The following KCNN2 variants were observed in gnomAD, a reference collection of about 807,000 sequenced individuals.
KCNN2 encodes the protein potassium calcium-activated channel subfamily N member 2, also known as small conductance calcium-activated potassium channel protein 2.
In KCNN2, 24 loss-of-function variants were observed where a neutral mutation model predicts 55.5. That is an observed-to-expected ratio of 0.43 (90% CI 0.31 to 0.61). The LOEUF is 0.61. Ranked by LOEUF, KCNN2 falls within the 20% of genes least tolerant of loss-of-function variation. The pLI, the probability that KCNN2 is intolerant of heterozygous loss-of-function variation, is 0.08. For missense variants in KCNN2, 754 were observed against 853.6 expected, an observed-to-expected ratio of 0.88 and a Z score of 1.45; for synonymous variants, 431 against 336.1, an observed-to-expected ratio of 1.28 and a Z score of -3.09.
At chr5:114,339,246 G>C (rs1756975709) in intron 2 of KCNN2, among the ~76,000 whole-genome samples, 1 of 152,196 alleles carries the variant, frequency 6.6e-6, no homozygotes, top group African/African-American at 2.4e-5. Context: ...TGAAGGCTGA[G>C]GTCTTGTCCA....
At chr5:114,162,681 C>A (rs543028238) in intron 1 of KCNN2, among the ~76,000 whole-genome samples, 1 of 152,270 alleles carries the variant, frequency 6.6e-6, no homozygotes, top group South Asian at 2.1e-4. Flanking sequence ...CTTTGTTTAC[C>A]TGCTGAAGCC....
chr5:114,272,888 T>A (rs1041810715), intron 2 of KCNN2, among the ~76,000 whole-genome samples: 12 of 152,244 alleles, frequency 7.9e-5, no homozygotes, highest in East Asian at 1.9e-4. Flanking sequence ...TTCTTTTTTT[T>A]AAATTATACT....
At chr5:114,354,152 A>T (rs1757258531) in intron 2 of KCNN2, among the ~76,000 whole-genome samples, 1 of 151,640 alleles carries the variant, frequency 6.6e-6, no homozygotes. Context: ...AATCTTCATC[A>T]GTGTATTTTC....
At chr5:114,379,882 G>A (rs28729910) in intron 2 of KCNN2, among the ~76,000 whole-genome samples, 14,424 of 144,980 alleles carry the variant, frequency 0.099, 1,186 homozygotes, top group African/African-American at 0.23. Context: ...TAAATATATA[G>A]CATAATTATA....
At chr5:114,379,027 C>T (rs1273355862) in intron 2 of KCNN2, among the ~76,000 whole-genome samples, 1 of 152,132 alleles carries the variant, frequency 6.6e-6, no homozygotes, top group Non-Finnish European at 1.5e-5. Flanking sequence ...AAATAATCTT[C>T]TCCATTCTGA....
At chr5:114,336,116 G>A (rs1193459890) in intron 2 of KCNN2, among the ~76,000 whole-genome samples, 3 of 152,148 alleles carry the variant, frequency 2.0e-5, no homozygotes, top group East Asian at 1.9e-4. Context: ...TTAAGTACAC[G>A]AATAAGGAGG....
chr5:114,307,149 A>G (rs536443561), intron 2 of KCNN2, among the ~76,000 whole-genome samples: 42 of 152,276 alleles, frequency 2.8e-4, no homozygotes, highest in African/African-American at 9.6e-4. Flanking sequence ...TCAAGAAAGG[A>G]TAATAAGAAT....
chr5:114,061,573 GT>G (rs1284377848), intron 1 of KCNN2, among the ~76,000 whole-genome samples: 2 of 152,018 alleles, frequency 1.3e-5, no homozygotes, highest in Non-Finnish European at 2.9e-5. Flanking sequence ...CAGGGATCTA[GT>G]TTGCCACCTT....
intron 1 of KCNN2, among the ~76,000 whole-genome samples, chr5:114,080,640 A>G (rs900552620): frequency 6.6e-6 from 1 of 152,212 alleles, no homozygotes; most frequent in African/African-American, 2.4e-5. Flanking sequence ...AAACCATTCC[A>G]TGATAAAAAC....
chr5:114,310,349 A>C (rs1756371025), intron 2 of KCNN2, among the ~76,000 whole-genome samples: 1 of 152,212 alleles, frequency 6.6e-6, no homozygotes, highest in Admixed American at 6.5e-5. Context: ...GCTGCCTTTC[A>C]GAGATGCCTT....
chr5:114,224,579 G>T (rs1216560873), intron 2 of KCNN2, among the ~76,000 whole-genome samples: 4 of 152,212 alleles, frequency 2.6e-5, no homozygotes, highest in Admixed American at 2.6e-4. Context: ...AAAAGGCAGA[G>T]CACAAAAGAA....
At chr5:114,063,893 T>G (rs964608074) in intron 1 of KCNN2, among the ~76,000 whole-genome samples, 7 of 152,180 alleles carry the variant, frequency 4.6e-5, no homozygotes, top group Non-Finnish European at 8.8e-5. Flanking sequence ...CCTGGTGTGT[T>G]TTAAGACAAG....
At chr5:114,351,469 T>G (rs1757202436) in intron 2 of KCNN2, among the ~76,000 whole-genome samples, 1 of 151,788 alleles carries the variant, frequency 6.6e-6, no homozygotes, top group Non-Finnish European at 1.5e-5. Context: ...GGCTAGAATT[T>G]CTAATACAAT....
intron 3 of KCNN2, among the ~76,000 whole-genome samples, chr5:114,440,615 T>C (rs1760169418): frequency 7.5e-6 from 1 of 133,774 alleles, no homozygotes; most frequent in African/African-American, 2.9e-5. Flanking sequence ...GGTGACATGG[T>C]ACAGGTGTGA....
chr5:114,111,829 C>T (rs1751603730), intron 1 of KCNN2, among the ~76,000 whole-genome samples: 1 of 152,140 alleles, frequency 6.6e-6, no homozygotes, highest in Admixed American at 6.5e-5. Flanking sequence ...CAGGAAACAA[C>T]AGGTGCTGGA....
intron 4 of KCNN2, among the ~76,000 whole-genome samples, 155 bp downstream of exon 4, chr5:114,463,345 A>C (rs945554416): frequency 6.6e-6 from 1 of 152,270 alleles, no homozygotes; most frequent in Non-Finnish European, 1.5e-5. Context: ...GAGAATGTCA[A>C]CAGTTTTCCT....
intron 1 of KCNN2, among the ~76,000 whole-genome samples, chr5:114,160,529 G>T (rs1752748545): frequency 6.6e-6 from 1 of 152,128 alleles, no homozygotes; most frequent in South Asian, 2.1e-4. Context: ...TCCACTTGGT[G>T]CAGAGCTGAG....
intron 2 of KCNN2, among the ~76,000 whole-genome samples, chr5:114,397,206 C>A (rs975622526): frequency 6.6e-6 from 1 of 152,052 alleles, no homozygotes; most frequent in Non-Finnish European, 1.5e-5. Context: ...ATCTTTATGG[C>A]GAAATGATTT....
intron 2 of KCNN2, among the ~76,000 whole-genome samples, chr5:114,252,283 A>G (rs1304985779): frequency 6.6e-6 from 1 of 152,224 alleles, no homozygotes; most frequent in East Asian, 1.9e-4. Flanking sequence ...ACAAAAATCA[A>G]TATAATAAAA....
Sources: allele counts gnomAD v4.1 joint callset (sites outside exome capture counted in the v4.1 genomes callset), GRCh38; gene constraint gnomAD v4.1.1; transcripts MANE v1.5; gene names NCBI Gene and HGNC (gene_info 2026-07-23, HGNC 2026-07-21).